DNAH14: variants seen among roughly 807,000 people sequenced by gnomAD.
The protein encoded by DNAH14 is axonemal beta dynein heavy chain 14.
Under a neutral mutation model 520.9 loss-of-function variants are expected in DNAH14, and 478 were observed. That is an observed-to-expected ratio of 0.92 (90% CI 0.85 to 0.99). DNAH14 has a LOEUF of 0.99. Ranked by LOEUF, DNAH14 falls within the 50% of genes least tolerant of loss-of-function variation. DNAH14 has a pLI of 0.00. For synonymous variants in DNAH14, 1,581 were observed against 1,757.2 expected, an observed-to-expected ratio of 0.90 and a Z score of 2.51; for missense variants, 4,831 against 5,234.5, an observed-to-expected ratio of 0.92 and a Z score of 2.38.
At chr1:225,092,471 CT>C (rs1433727571) in intron 21 of DNAH14, among the ~76,000 whole-genome samples, 1 of 152,010 alleles carries the variant, frequency 6.6e-6, no homozygotes, top group African/African-American at 2.4e-5. Context: ...TCAAGAAATT[CT>C]TTGAAACTAA....
chr1:225,079,371 C>T lies in DNAH14; in HGVS notation c.2589C>T (p.Ile863=). 1 of 1,550,784 alleles carries T rather than the reference C, an allele frequency of 6.4e-7. No individual in the cohort carries two copies. The highest frequency in any genetic ancestry group is 1.4e-5 in the African/African-American group (1 of 73,056). ...QLYSVAKHHQ[I]HISEEQIAIF... is the part of the protein sequence containing the mutation. The stretch of plus-strand genomic sequence containing the variant: ...ATTCTGTTGCAAAGCATCACCAGAT[C>T]CATATTTCAGAAGAGCAAATTGCCA... Residue 863 remains isoleucine (I), a synonymous_variant, in exon 18 of 86, where the codon ATC becomes ATT. Transcript: ENST00000682510.
intron 34 of DNAH14, among the ~76,000 whole-genome samples, chr1:225,156,802 C>T (rs1450015717): frequency 7.4e-5 from 8 of 107,596 alleles, no homozygotes; most frequent in Non-Finnish European, 1.5e-4. Context: ...GCAAGCTCCG[C>T]CTCCCGGGTT....
At chr1:225,365,520 T>C (rs1575042205) in intron 76 of DNAH14, among the ~76,000 whole-genome samples, 2 of 152,190 alleles carry the variant, frequency 1.3e-5, no homozygotes, top group Admixed American at 1.3e-4. Flanking sequence ...TGAGGCACTT[T>C]CCAGATACAG....
At chr1:225,001,436 G>A (rs80016617) in intron 8 of DNAH14, among the ~76,000 whole-genome samples, 8,016 of 152,190 alleles carry the variant, frequency 0.053, 324 homozygotes, top group Non-Finnish European at 0.078. Flanking sequence ...ATGTTGTGGA[G>A]AATGTATTTT....
At chr1:224,940,782 C>G (rs1389985076) in intron 1 of DNAH14, among the ~76,000 whole-genome samples, 1 of 148,324 alleles carries the variant, frequency 6.7e-6, no homozygotes, top group Non-Finnish European at 1.5e-5. Context: ...AGTTTTTTGT[C>G]CTTGCGATAG....
At chr1:225,383,652 G>T (rs1330979098) in intron 81 of DNAH14, among the ~76,000 whole-genome samples, 1 of 152,184 alleles carries the variant, frequency 6.6e-6, no homozygotes, top group African/African-American at 2.4e-5. Context: ...GCAGAAAGAC[G>T]TGCTGTGTGA....
intron 79 of DNAH14, among the ~76,000 whole-genome samples, chr1:225,378,710 G>A (rs563294856): frequency 5.7e-4 from 86 of 151,984 alleles, no homozygotes; most frequent in Non-Finnish European, 2.4e-4. Context: ...GTGAAACCCC[G>A]TCTCTACTAA....
At chr1:225,146,260 CAA>C (rs1559098710) in intron 30 of DNAH14, among the ~76,000 whole-genome samples, 1 of 152,130 alleles carries the variant, frequency 6.6e-6, no homozygotes, top group Admixed American at 6.6e-5. Flanking sequence ...TAAATTAAGA[CAA>C]GATCTGATTC....
In DNAH14 at chr1:225,346,279, TTTA is replaced by T. The variant is rs2095284969; in HGVS notation, c.10998_11000del (p.Phe3666_Ile3667delinsLeu). The T allele has an allele frequency of 1.3e-6, 2 of 1,549,362 alleles. No homozygotes were observed. Among genetic ancestry groups the T allele is most frequent in the Admixed American group, 2.0e-5 (1 of 50,232 alleles). ...AGTGTCTCCAAAAGAAGTTCATGAG[TTTA>T]TAAGTATTTCAAAAGAACCCAACCT... On this transcript the variant is annotated inframe_deletion, in exon 70 of 86. Transcript: ENST00000682510.
intron 8 of DNAH14, among the ~76,000 whole-genome samples, chr1:224,994,312 C>T (rs2063250264): frequency 6.6e-6 from 1 of 151,948 alleles, no homozygotes; most frequent in Non-Finnish European, 1.5e-5. Flanking sequence ...TAACCTATCT[C>T]TCCCTTTAAA....
intron 27 of DNAH14, among the ~76,000 whole-genome samples, chr1:225,134,414 T>G (rs2078767451): frequency 6.6e-6 from 1 of 152,204 alleles, no homozygotes; most frequent in African/African-American, 2.4e-5. Context: ...ATACCTAATT[T>G]ATTGAGAGTT....
At chr1:225,069,165 A>G (rs1409560236) in intron 17 of DNAH14, among the ~76,000 whole-genome samples, 1 of 152,158 alleles carries the variant, frequency 6.6e-6, no homozygotes, top group Admixed American at 6.6e-5. Flanking sequence ...GCAAACAGGG[A>G]TACTTTGACT....
In DNAH14 at chr1:225,079,545, C is replaced by G. The variant is rs937811143; in HGVS notation, c.2763C>G (p.Ala921=). 6.7e-7 allele frequency: 1 copy of G among 1,502,290 alleles called. No individual in the cohort carries two copies. Among genetic ancestry groups the G allele is most frequent in the Non-Finnish European group, 8.8e-7 (1 of 1,133,704 alleles). 93.1% of individuals were successfully genotyped at this position (1,502,290 alleles called of 1,614,324 possible). ...ATGTTGATGTTGGCAATTTAAAAGC[C>G]AAGGTAAGTTTTTAGGGTTTTTTTG... ...GLHVDVGNLK[A]KIRTPLLLCA... is the part of the protein sequence containing the mutation. The change falls in exon 18 of 86, where the codon GCC becomes GCG. Residue 921 remains alanine, a synonymous_variant. Coordinates refer to ENST00000682510, the MANE Select transcript of DNAH14 (RefSeq NM_001367479.1).
At chr1:225,041,805 G>A (rs1021897459) in intron 12 of DNAH14, among the ~76,000 whole-genome samples, 1 of 152,138 alleles carries the variant, frequency 6.6e-6, no homozygotes, top group South Asian at 2.1e-4. Flanking sequence ...GAGTTAGTTA[G>A]AGGTTATTTT....
At chr1:225,125,722 G>A (rs1316075844) in intron 27 of DNAH14, among the ~76,000 whole-genome samples, 4 of 152,200 alleles carry the variant, frequency 2.6e-5, no homozygotes, top group Non-Finnish European at 4.4e-5. Flanking sequence ...TGTGTTCACA[G>A]GAGTAGCACT....
intron 16 of DNAH14, 65 bp from the exon 17 acceptor site, chr1:225,051,382 AGCAT>A (rs2068520362): frequency 9.0e-7 from 1 of 1,108,492 alleles, no homozygotes; most frequent in Admixed American, 3.4e-5. Context: ...AGAAACTATT[AGCAT>A]GCCAAACCAT....
intron 42 of DNAH14, among the ~76,000 whole-genome samples, chr1:225,236,032 C>T (rs1190857204): frequency 6.6e-6 from 1 of 152,008 alleles, no homozygotes; most frequent in Non-Finnish European, 1.5e-5. Flanking sequence ...TCTCTATCTC[C>T]TTCAGTTCAG....
chr1:225,212,251 C>A (rs1272430019), intron 41 of DNAH14, among the ~76,000 whole-genome samples: 2 of 151,978 alleles, frequency 1.3e-5, no homozygotes, highest in Non-Finnish European at 2.9e-5. Flanking sequence ...TTTTTTATGG[C>A]TGCATAGTAT....
At chr1:225,065,096 A>G (rs926387126) in intron 17 of DNAH14, among the ~76,000 whole-genome samples, 3 of 151,832 alleles carry the variant, frequency 2.0e-5, no homozygotes, top group African/African-American at 7.2e-5. Flanking sequence ...TCTTAATTTT[A>G]TTTTTTGTCT....
Sources: allele counts gnomAD v4.1 joint callset (sites outside exome capture counted in the v4.1 genomes callset), GRCh38; gene constraint gnomAD v4.1.1; transcripts MANE v1.5; gene names NCBI Gene and HGNC (gene_info 2026-07-23, HGNC 2026-07-21).